Variants in LRRIQ1 observed in about 807,000 individuals in gnomAD.
The protein encoded by LRRIQ1 is leucine-rich repeat- and IQ domain-containing protein 1.
Under a neutral mutation model 211.9 loss-of-function variants are expected in LRRIQ1, and 210 were observed. The observed-to-expected ratio is 0.99, with a 90% CI of 0.89 to 1.11. The LOEUF is 1.11. Ranked by LOEUF, LRRIQ1 falls within the 50% of genes most tolerant of loss-of-function variation. LRRIQ1 has a pLI of 0.00. For missense variants in LRRIQ1, 2,136 were observed against 1,939.5 expected (o/e 1.10, Z -1.90); for synonymous variants, 699 against 650.1 (o/e 1.08, Z -1.14).
chr12:85,192,335 T>C (rs867222604), intron 24 of LRRIQ1, among the ~76,000 whole-genome samples: 1 of 145,696 alleles, frequency 6.9e-6, no homozygotes, highest in African/African-American at 2.5e-5. Flanking sequence ...AAGGACATGA[T>C]CTCATTCTTT....
intron 11 of LRRIQ1, among the ~76,000 whole-genome samples, chr12:85,083,793 A>C (rs1191779264): frequency 6.6e-6 from 1 of 152,194 alleles, no homozygotes; most frequent in Admixed American, 6.6e-5. Flanking sequence ...ATTATACTGT[A>C]AAATGATAAA....
chr12:85,252,600 G>A (rs1895978035), intron 1 of LRRIQ1, among the ~76,000 whole-genome samples: 1 of 151,528 alleles, frequency 6.6e-6, no homozygotes, highest in Admixed American at 6.6e-5. Flanking sequence ...TCTGTGAAAG[G>A]TGACCTTGGT....
At chr12:85,131,188 G>A (rs1888732374) in intron 18 of LRRIQ1, among the ~76,000 whole-genome samples, 1 of 151,572 alleles carries the variant, frequency 6.6e-6, no homozygotes, top group African/African-American at 2.4e-5. Flanking sequence ...ACTCCAGCCT[G>A]GGCAACAGAG....
At chr12:85,226,375 T>C (rs1894653786) in intron 24 of LRRIQ1, among the ~76,000 whole-genome samples, 1 of 152,148 alleles carries the variant, frequency 6.6e-6, no homozygotes, top group Non-Finnish European at 1.5e-5. Context: ...TTTCTGTCAC[T>C]GTGCTGTCCA....
intron 24 of LRRIQ1, among the ~76,000 whole-genome samples, chr12:85,173,842 A>G (rs1407980891): frequency 3.3e-5 from 5 of 152,124 alleles, no homozygotes; most frequent in Non-Finnish European, 5.9e-5. Context: ...GTACACAAAT[A>G]TTTAGACCAT....
intron 15 of LRRIQ1, among the ~76,000 whole-genome samples, chr12:85,108,480 C>T (rs531110429): frequency 6.6e-6 from 1 of 152,144 alleles, no homozygotes; most frequent in Admixed American, 6.5e-5. Flanking sequence ...TATGTCAGTT[C>T]CTATAGTTCT....
chr12:85,065,069 T>C (rs1311789889), intron 8 of LRRIQ1, among the ~76,000 whole-genome samples, 193 bp from the exon 9 acceptor site: 1 of 151,868 alleles, frequency 6.6e-6, no homozygotes. Context: ...ATGATTGCAA[T>C]ATTTTGTCCT....
intron 11 of LRRIQ1, among the ~76,000 whole-genome samples, chr12:85,097,295 G>GA (rs1485170624): frequency 2.0e-5 from 3 of 152,094 alleles, no homozygotes; most frequent in Admixed American, 6.6e-5. Context: ...AGCTGAAGGG[G>GA]AAACAAAGCA....
chr12:85,065,170 T>C (rs544328807), intron 8 of LRRIQ1, 92 bp from the exon 9 acceptor site: 7 of 1,092,142 alleles, frequency 6.4e-6, no homozygotes, highest in Non-Finnish European at 8.9e-6. Flanking sequence ...TTTTCTTAAA[T>C]GAATTTTCTA....
downstream of LRRIQ1, among the ~76,000 whole-genome samples, chr12:85,268,070 T>C (rs937427881): frequency 2.6e-5 from 4 of 151,948 alleles, no homozygotes; most frequent in Admixed American, 1.3e-4. Context: ...CCAAAAATAC[T>C]CTAAGCAGAT....
chr12:85,056,567 C>G lies in LRRIQ1; in HGVS notation c.1774C>G (p.Gln592Glu). Residue 592 changes from glutamine (Q) to glutamate (E), a missense_variant, in exon 8 of 27, where the codon CAA becomes GAA. Transcript: ENST00000393217. ...ACAAAAAGTAGAAAAAGAAGAGATA[C>G]AAGAACAGAATGGATTATTATATAA... ...KIQKVEKEEI[Q>E]EQNGLLYKDK... 1 of 1,602,382 alleles carries G rather than the reference C, an allele frequency of 6.2e-7. No individual in the cohort carries two copies. The highest frequency in any genetic ancestry group is 8.5e-7 in the Non-Finnish European group (1 of 1,174,034).
At position 85,046,044 on chromosome 12, in the gene LRRIQ1, G is replaced by C; in HGVS notation, c.361G>C (p.Glu121Gln). Residue 121 changes from glutamate (E) to glutamine (Q), a missense_variant, in exon 5 of 27, where the codon GAA (glutamate) becomes CAA (glutamine). Coordinates refer to ENST00000393217, the MANE Select transcript of LRRIQ1 (RefSeq NM_001079910.2). ...IKILSEIEKE[E>Q]FMRSKTDCAT... ...GATATTATCTGAAATAGAAAAAGAA[G>C]AATTTATGAGAAGTAAAACCGATTG... The C allele has an allele frequency of 6.2e-7, 1 of 1,608,686 alleles. No individual in the cohort carries two copies. Among genetic ancestry groups the C allele is most frequent in the Non-Finnish European group, 8.5e-7 (1 of 1,176,206 alleles).
At chr12:85,174,191 C>T (rs935967476) in intron 24 of LRRIQ1, among the ~76,000 whole-genome samples, 1 of 151,628 alleles carries the variant, frequency 6.6e-6, no homozygotes, top group African/African-American at 2.4e-5. Context: ...AAAGGGTATG[C>T]CCATGAAATA....
At chr12:85,211,667 C>G (rs894361219) in intron 24 of LRRIQ1, among the ~76,000 whole-genome samples, 1 of 152,034 alleles carries the variant, frequency 6.6e-6, no homozygotes, top group East Asian at 1.9e-4. Context: ...CACATCTTGC[C>G]TCACATATTG....
intron 23 of LRRIQ1, chr12:85,159,425 C>G (rs945278253): frequency 6.6e-6 from 1 of 151,890 alleles, no homozygotes; most frequent in African/African-American, 2.4e-5. Context: ...AGAACCTACA[C>G]AAATGTGTGC....
At chr12:85,192,431 T>A (rs1314564134) in intron 24 of LRRIQ1, among the ~76,000 whole-genome samples, 20 of 110,296 alleles carry the variant, frequency 1.8e-4, no homozygotes, top group East Asian at 1.1e-3. Context: ...TTTATATATA[T>A]TTATATATAA....
chr12:85,250,119 T>C (rs1327144038), intron 1 of LRRIQ1, among the ~76,000 whole-genome samples: 2 of 151,826 alleles, frequency 1.3e-5, no homozygotes, highest in Non-Finnish European at 2.9e-5. Context: ...AATTGATACA[T>C]GGATGGATGG....
intron 1 of LRRIQ1, among the ~76,000 whole-genome samples, chr12:85,254,721 A>C (rs1033052066): frequency 7.9e-5 from 12 of 152,062 alleles, no homozygotes; most frequent in Admixed American, 2.6e-4. Context: ...AATGTCATTT[A>C]GAAGTCTCTA....
chr12:85,150,761 C>T (rs940598902), intron 19 of LRRIQ1, among the ~76,000 whole-genome samples: 27 of 143,256 alleles, frequency 1.9e-4, no homozygotes, highest in African/African-American at 6.5e-4. Context: ...CTCTCTCTGC[C>T]TCTCTCTTTT....
Sources: gnomAD v4.1 joint callset for allele counts (sites outside exome capture counted in the v4.1 genomes callset) on GRCh38, gnomAD v4.1.1 for gene constraint, MANE v1.5 for transcripts, NCBI Gene and HGNC (gene_info 2026-07-23, HGNC 2026-07-21) for gene names.